Variants in PTPRK observed in about 807,000 individuals in gnomAD.
The protein encoded by PTPRK is receptor-type tyrosine-protein phosphatase kappa.
A neutral mutation model predicts 178.0 loss-of-function variants in PTPRK; 75 were observed. The ratio of observed to expected loss-of-function variants is 0.42; its 90% confidence interval spans 0.35 to 0.51. The LOEUF (loss-of-function observed/expected upper bound fraction) is 0.51, where lower values mean the gene tolerates loss of function less well. Among genes scored for constraint, PTPRK ranks in the 20% least tolerant of loss-of-function variants. PTPRK has a pLI of 0.02. For synonymous variants in PTPRK, 637 were observed against 620.6 expected (o/e 1.03, Z -0.39); for missense variants, 1,441 against 1,797.8 (o/e 0.80, Z 3.59).
At chr6:128,125,588 G>A (rs1278148609) in intron 7 of PTPRK, among the ~76,000 whole-genome samples, 2 of 142,914 alleles carry the variant, frequency 1.4e-5, no homozygotes, top group Non-Finnish European at 3.0e-5. Context: ...TAATACACTT[G>A]CCTTTGGGCT....
intron 3 of PTPRK, among the ~76,000 whole-genome samples, chr6:128,257,646 AT>A (rs1817548218): frequency 6.6e-6 from 1 of 152,198 alleles, no homozygotes; most frequent in Admixed American, 6.5e-5. Flanking sequence ...TAATTTTTTA[AT>A]CCAAAATGCA....
intron 1 of PTPRK, among the ~76,000 whole-genome samples, chr6:128,516,830 A>C (rs954107283): frequency 2.0e-5 from 3 of 152,184 alleles, no homozygotes; most frequent in Non-Finnish European, 4.4e-5. Flanking sequence ...ACCAACAGTT[A>C]AACAAACAGC....
chr6:127,998,214 AT>A (rs371220886), intron 16 of PTPRK, among the ~76,000 whole-genome samples: 2 of 151,624 alleles, frequency 1.3e-5, no homozygotes, highest in Non-Finnish European at 2.9e-5. Flanking sequence ...GCAGTGCTCT[AT>A]TTTTTTTCTC....
At chr6:128,474,547 A>T (rs1384230107) in intron 1 of PTPRK, among the ~76,000 whole-genome samples, 1 of 152,086 alleles carries the variant, frequency 6.6e-6, no homozygotes, top group African/African-American at 2.4e-5. Flanking sequence ...TCCTTTTCTC[A>T]AATCAAACTT....
intron 1 of PTPRK, among the ~76,000 whole-genome samples, chr6:128,487,423 C>T (rs1448865104): frequency 2.6e-5 from 4 of 151,584 alleles, no homozygotes; most frequent in Non-Finnish European, 4.4e-5. Context: ...CTTCTGTCTC[C>T]TATCCCTCTA....
chr6:128,105,910 C>A (rs574019827), intron 7 of PTPRK, among the ~76,000 whole-genome samples: 1 of 152,074 alleles, frequency 6.6e-6, no homozygotes, highest in Admixed American at 6.6e-5. Context: ...TTTACCACTC[C>A]GATTATGATA....
At chr6:127,986,342 C>T (rs1775975754) in intron 21 of PTPRK, among the ~76,000 whole-genome samples, 1 of 152,144 alleles carries the variant, frequency 6.6e-6, no homozygotes, top group African/African-American at 2.4e-5. Context: ...TGAAGCATAG[C>T]ATGTAGGGAT....
At chr6:128,479,623 A>G (rs1851804801) in intron 1 of PTPRK, among the ~76,000 whole-genome samples, 1 of 152,134 alleles carries the variant, frequency 6.6e-6, no homozygotes, top group Non-Finnish European at 1.5e-5. Flanking sequence ...TTCCTAAGAG[A>G]GAGATGCTTC....
intron 1 of PTPRK, 145 bp from the exon 2 acceptor site, chr6:128,397,833 T>C (rs1840523652): frequency 3.7e-6 from 3 of 801,692 alleles, no homozygotes; most frequent in Non-Finnish European, 5.5e-6. Flanking sequence ...CACTATTCTC[T>C]TTAAATTTTC....
intron 2 of PTPRK, among the ~76,000 whole-genome samples, chr6:128,343,596 T>C (rs1183641390): frequency 6.6e-6 from 1 of 150,606 alleles, no homozygotes; most frequent in Non-Finnish European, 1.5e-5. Flanking sequence ...AAAAATAAAA[T>C]AAAGAACTAG....
At position 128,210,352 on chromosome 6, in the gene PTPRK, C is replaced by G. The variant is rs1285640251; in HGVS notation, c.868+8570G>C. Among the ~76,000 whole-genome samples the G allele has an allele frequency of 9.6e-5, 13 of 135,750 alleles. No homozygotes were observed. The Admixed American group carries it at 9.9e-4, about 10-fold the overall frequency. 89.1% of individuals were successfully genotyped at this position (135,750 alleles called of 152,430 possible). ...ATAAAGATCTTTCAAAAACTTTGAC[C>G]TAAATAACTCCGGAGGAAAAAAAAA... On this transcript the variant is annotated intron_variant, in intron 6 of 29. Transcript: ENST00000368226.
At chr6:128,203,928 A>G (rs912289604) in intron 6 of PTPRK, among the ~76,000 whole-genome samples, 9 of 152,204 alleles carry the variant, frequency 5.9e-5, no homozygotes, top group Admixed American at 6.5e-5. Flanking sequence ...AAACTATTTT[A>G]AAATTCATAT....
At chr6:128,106,480 T>G (rs962122081) in intron 7 of PTPRK, among the ~76,000 whole-genome samples, 4 of 152,014 alleles carry the variant, frequency 2.6e-5, no homozygotes, top group African/African-American at 9.7e-5. Flanking sequence ...TTTCAGGTGC[T>G]TGAAAAAATG....
chr6:128,478,655 G>A (rs988763137), intron 1 of PTPRK, among the ~76,000 whole-genome samples: 1 of 152,080 alleles, frequency 6.6e-6, no homozygotes, highest in African/African-American at 2.4e-5. Context: ...TAAAGATGAC[G>A]ATGCCTTGGG....
chr6:128,344,828 C>A (rs1832188958), intron 2 of PTPRK, among the ~76,000 whole-genome samples: 3 of 152,048 alleles, frequency 2.0e-5, no homozygotes, highest in African/African-American at 7.2e-5. Context: ...CCCCTCACTT[C>A]TAAAGAGGAC....
At chr6:128,411,578 G>A (rs1345255264) in intron 1 of PTPRK, among the ~76,000 whole-genome samples, 1 of 152,162 alleles carries the variant, frequency 6.6e-6, no homozygotes, top group African/African-American at 2.4e-5. Flanking sequence ...CATTTGGAAT[G>A]CAGTTTTACA....
intron 6 of PTPRK, among the ~76,000 whole-genome samples, chr6:128,189,272 A>C (rs1294090975): frequency 9.2e-6 from 1 of 108,206 alleles, no homozygotes; most frequent in Non-Finnish European, 1.7e-5. Flanking sequence ...ACAGAGTCTC[A>C]TCTGTTACCC....
chr6:128,073,889 T>G (rs147058862), intron 11 of PTPRK, among the ~76,000 whole-genome samples: 4 of 152,204 alleles, frequency 2.6e-5, no homozygotes, highest in African/African-American at 9.6e-5. Context: ...ATGGTTTTAT[T>G]TGGAATTCAA....
In PTPRK at chr6:128,023,600, C is replaced by A. The variant is rs550316507; in HGVS notation, c.2195-14332G>T. On this transcript the variant is annotated intron_variant, in intron 13 of 29. Coordinates refer to ENST00000368226, the MANE Select transcript of PTPRK (RefSeq NM_002844.4). The stretch of plus-strand genomic sequence containing the variant: ...AACAATATGATTAAAACAAAAAAAA[C>A]CAAACTATCATTTCTCACCTAGACT... 1.5e-4 allele frequency among the ~76,000 whole-genome samples: 23 copies of A among 152,234 alleles called. 1 individual carries two copies. The South Asian group carries it at 1.7e-3, about 11-fold the overall frequency.
Sources: allele counts gnomAD v4.1 joint callset (sites outside exome capture counted in the v4.1 genomes callset), GRCh38; gene constraint gnomAD v4.1.1; transcripts MANE v1.5; gene names NCBI Gene and HGNC (gene_info 2026-07-23, HGNC 2026-07-21).